The following UVRAG variants were observed in gnomAD, a reference collection of about 807,000 sequenced individuals.
The protein encoded by UVRAG is UV radiation resistance-associated gene protein.
A neutral mutation model predicts 78.0 loss-of-function variants in UVRAG; 19 were observed. That is an observed-to-expected ratio of 0.24 (90% CI 0.17 to 0.36). The LOEUF (loss-of-function observed/expected upper bound fraction) is 0.36. Among genes scored for constraint, UVRAG ranks in the 10% least tolerant of loss-of-function variants. The pLI is 1.00. For missense variants in UVRAG, 740 were observed against 853.8 expected (o/e 0.87, Z 1.66); for synonymous variants, 323 against 324.6 (o/e 1.00, Z 0.05).
intron 4 of UVRAG, among the ~76,000 whole-genome samples, chr11:75,887,092 C>T (rs1474309555): frequency 2.0e-5 from 3 of 151,226 alleles, no homozygotes; most frequent in African/African-American, 2.4e-5. Flanking sequence ...CACTCAGCCT[C>T]CCTAGTAGCT....
At chr11:76,140,112 CCTCTCTCTCTCTCTCT>C (rs745755879) in intron 14 of UVRAG, among the ~76,000 whole-genome samples, 3 of 11,294 alleles carry the variant, frequency 2.7e-4, no homozygotes, top group African/African-American at 9.8e-4. Context: ...TCCCTCCCTC[CCTCTCTCTCTCTCTCT>C]CTCTCTCTCT....
At chr11:76,082,257 G>A (rs1409829284) in intron 13 of UVRAG, among the ~76,000 whole-genome samples, 1 of 151,934 alleles carries the variant, frequency 6.6e-6, no homozygotes, top group Non-Finnish European at 1.5e-5. Context: ...AAAATCATAG[G>A]TGGCTAGGCA....
At chr11:76,042,678 T>A (rs1037300263) in intron 12 of UVRAG, among the ~76,000 whole-genome samples, 1 of 152,246 alleles carries the variant, frequency 6.6e-6, no homozygotes, top group Admixed American at 6.5e-5. Flanking sequence ...GACACGTGGC[T>A]GTGATGCTGG....
intron 12 of UVRAG, among the ~76,000 whole-genome samples, chr11:76,032,454 T>G (rs1213244990): frequency 1.3e-5 from 2 of 152,178 alleles, no homozygotes; most frequent in Non-Finnish European, 2.9e-5. Context: ...AATTCATATA[T>G]AGTTAAATCA....
At chr11:75,938,004 G>T (rs1337216614) in intron 6 of UVRAG, among the ~76,000 whole-genome samples, 2 of 151,592 alleles carry the variant, frequency 1.3e-5, no homozygotes, top group African/African-American at 4.9e-5. Context: ...ATATCATCAG[G>T]TTTACTGTTT....
At chr11:75,933,414 A>G (rs1396197422) in intron 6 of UVRAG, among the ~76,000 whole-genome samples, 1 of 152,204 alleles carries the variant, frequency 6.6e-6, no homozygotes, top group African/African-American at 2.4e-5. Flanking sequence ...TTAAAAGAAA[A>G]TATTGGGGAA....
intron 14 of UVRAG, 52 bp from the exon 15 acceptor site, chr11:76,140,659 T>C (rs975622706): frequency 8.6e-6 from 13 of 1,505,330 alleles, no homozygotes; most frequent in East Asian, 6.8e-5. Context: ...CCAGAAGGCT[T>C]ACACTGAGTT....
At chr11:75,936,701 T>A (rs1948379835) in intron 6 of UVRAG, among the ~76,000 whole-genome samples, 1 of 152,278 alleles carries the variant, frequency 6.6e-6, no homozygotes, top group African/African-American at 2.4e-5. Flanking sequence ...TTAGAATTAG[T>A]CATTTCTCTA....
chr11:76,025,376 A>G (rs1280946330), intron 12 of UVRAG, among the ~76,000 whole-genome samples: 15 of 152,212 alleles, frequency 9.9e-5, no homozygotes, highest in Non-Finnish European at 1.5e-5. Flanking sequence ...GAAACAAGCC[A>G]TGAGTTAGGA....
intron 1 of UVRAG, among the ~76,000 whole-genome samples, chr11:75,831,273 G>C (rs898105470): frequency 2.6e-5 from 4 of 152,096 alleles, no homozygotes; most frequent in African/African-American, 9.7e-5. Flanking sequence ...CAGATCACGA[G>C]GTCAAGAGAG....
At chr11:76,078,193 T>C (rs1951435377) in intron 13 of UVRAG, among the ~76,000 whole-genome samples, 2 of 152,182 alleles carry the variant, frequency 1.3e-5, no homozygotes, top group Non-Finnish European at 2.9e-5. Flanking sequence ...TGTAAGCTCT[T>C]TAAAGAGATG....
chr11:75,880,683 T>C (rs998526270), intron 4 of UVRAG, among the ~76,000 whole-genome samples: 1 of 152,114 alleles, frequency 6.6e-6, no homozygotes, highest in Non-Finnish European at 1.5e-5. Flanking sequence ...GCCTCACAAG[T>C]AGCTGGGATT....
At chr11:76,067,998 G>A (rs1382614875) in intron 13 of UVRAG, among the ~76,000 whole-genome samples, 2 of 152,098 alleles carry the variant, frequency 1.3e-5, no homozygotes, top group South Asian at 2.1e-4. Flanking sequence ...GCTATTGGAA[G>A]CTTCCTGGTG....
At chr11:75,986,852 T>C (rs1949510275) in intron 8 of UVRAG, among the ~76,000 whole-genome samples, 1 of 151,998 alleles carries the variant, frequency 6.6e-6, no homozygotes, top group Non-Finnish European at 1.5e-5. Flanking sequence ...AACAGAATCA[T>C]GCAATATTGT....
At chr11:75,928,073 G>A (rs1948152682) in intron 6 of UVRAG, among the ~76,000 whole-genome samples, 1 of 151,940 alleles carries the variant, frequency 6.6e-6, no homozygotes, top group African/African-American at 2.4e-5. Context: ...CTACACTCTA[G>A]TCTGGCCAAC....
At chr11:75,963,015 T>C (rs535065477) in intron 7 of UVRAG, among the ~76,000 whole-genome samples, 4 of 152,178 alleles carry the variant, frequency 2.6e-5, no homozygotes, top group African/African-American at 9.7e-5. Context: ...AGAAAAATCA[T>C]TGGATTTTTG....
intron 12 of UVRAG, among the ~76,000 whole-genome samples, chr11:76,018,322 T>C (rs1449187407): frequency 1.4e-5 from 2 of 145,864 alleles, no homozygotes; most frequent in Non-Finnish European, 3.0e-5. Flanking sequence ...CTTGTTTCTT[T>C]AAAAAAAAAA....
intron 12 of UVRAG, among the ~76,000 whole-genome samples, chr11:76,029,075 A>T (rs1286822609): frequency 6.6e-6 from 1 of 152,178 alleles, no homozygotes; most frequent in African/African-American, 2.4e-5. Context: ...CCATTCTGAA[A>T]ATCCTGGGGC....
chr11:75,958,831 A>G (rs1948856697), intron 6 of UVRAG, among the ~76,000 whole-genome samples: 1 of 152,244 alleles, frequency 6.6e-6, no homozygotes, highest in South Asian at 2.1e-4. Flanking sequence ...ATAAAACTTG[A>G]AAGTTGAAAT....
Sources: gnomAD v4.1 joint callset for allele counts (sites outside exome capture counted in the v4.1 genomes callset) on GRCh38, gnomAD v4.1.1 for gene constraint, MANE v1.5 for transcripts, NCBI Gene and HGNC (gene_info 2026-07-23, HGNC 2026-07-21) for gene names.